Variants in TTC23L observed in about 807,000 individuals in gnomAD.
TTC23L encodes tetratricopeptide repeat domain 23 like.
In TTC23L, 42 loss-of-function variants were observed where a neutral mutation model predicts 48.1. The observed-to-expected ratio is 0.87, with a 90% confidence interval of 0.68 to 1.13. The LOEUF (loss-of-function observed/expected upper bound fraction) is 1.13. Ranked by LOEUF, TTC23L falls within the 50% of genes most tolerant of loss-of-function variation. The pLI is 0.00. For synonymous variants in TTC23L, 159 were observed against 157.2 expected, an observed-to-expected ratio of 1.01 and a Z score of -0.09; for missense variants, 391 against 421.0, an observed-to-expected ratio of 0.93 and a Z score of 0.62.
chr5:34,919,906 A>G, the TTC23L span: 1 of 971,450 alleles, frequency 1.0e-6, no homozygotes, highest in South Asian at 1.6e-5. Context: ...AGTAATTGCA[A>G]CAAAATATTT....
chr5:34,878,861 G>A (rs1414867423), intron 8 of TTC23L, among the ~76,000 whole-genome samples: 1 of 152,070 alleles, frequency 6.6e-6, no homozygotes, highest in African/African-American at 2.4e-5. Context: ...CAAAAGAAAA[G>A]GAAGGTATAT....
Position 34,869,018 on chromosome 5 carries a change from G to A in TTC23L, c.949+5G>A. 1 of 1,592,692 alleles carries A rather than the reference G, an allele frequency of 6.3e-7. No homozygotes were observed. The highest frequency in any genetic ancestry group is 8.6e-7 in the Non-Finnish European group (1 of 1,167,672). The stretch of plus-strand genomic sequence containing the variant: ...CTGGAGAGGCCCAGCACAGGGGTAG[G>A]TAAAAGAGGTAGCCTTGAAGTTATT... On this transcript the variant is annotated splice_donor_5th_base_variant and intron_variant, in intron 8 of 10. Transcript: ENST00000505624.
intron 4 of TTC23L, among the ~76,000 whole-genome samples, chr5:34,852,160 C>T (rs1759726663): frequency 6.6e-6 from 1 of 152,182 alleles, no homozygotes; most frequent in Non-Finnish European, 1.5e-5. Context: ...GCTGGGATTA[C>T]AGGCGTGAGC....
the TTC23L span, chr5:34,913,981 C>G: frequency 1.6e-4 from 74 of 456,946 alleles, 1 homozygote; most frequent in South Asian, 1.1e-3. Context: ...CAGCCTCGGT[C>G]TCCTGAGCAG....
chr5:34,839,514 G>T, intron 1 of TTC23L: 1 of 499,790 alleles, frequency 2.0e-6, no homozygotes, highest in Non-Finnish European at 2.6e-6. Context: ...AGGGCCGTGC[G>T]GAACGTCATA....
rs553334622 is a variant in TTC23L, at chr5:34,855,562, T to C, written c.379+5254T>C. Among the ~76,000 whole-genome samples the C allele has an allele frequency of 5.3e-5, 8 of 152,282 alleles. No individual in the cohort carries two copies. The South Asian group carries it at 1.7e-3, about 32-fold the overall frequency. On this transcript the variant is annotated intron_variant, in intron 4 of 10. Coordinates refer to ENST00000505624, the Ensembl canonical transcript of TTC23L. ...CCCACTTCTGGGAATCTTTCCTAAATACACACTGATAACATGGACAAGATT... is the reference window on the plus strand; with the variant it reads ...CCCACTTCTGGGAATCTTTCCTAAACACACACTGATAACATGGACAAGATT...
At chr5:34,903,391 ACCTGCACACATGCCTAGCTTCT>A (rs1054787485), downstream of TTC23L, among the ~76,000 whole-genome samples, 3 of 151,868 alleles carry the variant, frequency 2.0e-5, no homozygotes, top group Admixed American at 2.0e-4. Context: ...TTTACCCCCT[ACCTGCACACATGCCTAGCTTCT>A]CCCTTATCAA....
At chr5:34,842,069 G>C (rs1367970981) in intron 2 of TTC23L, among the ~76,000 whole-genome samples, 1 of 152,154 alleles carries the variant, frequency 6.6e-6, no homozygotes, top group Non-Finnish European at 1.5e-5. Flanking sequence ...CTCTATACCA[G>C]TGTCATCAAA....
intron 8 of TTC23L, among the ~76,000 whole-genome samples, chr5:34,877,660 G>C (rs577621705): frequency 1.3e-5 from 2 of 152,152 alleles, no homozygotes; most frequent in Non-Finnish European, 2.9e-5. Context: ...CTGACTTCAG[G>C]TGATCCACCC....
intron 2 of TTC23L, among the ~76,000 whole-genome samples, chr5:34,842,620 G>A (rs1427667429): frequency 6.6e-6 from 1 of 152,176 alleles, no homozygotes; most frequent in African/African-American, 2.4e-5. Context: ...CAGCTGCTTA[G>A]TCCAGAGTAG....
At chr5:34,916,993 T>TA in the TTC23L span, among the ~76,000 whole-genome samples, 1 of 152,232 alleles carries the variant, frequency 6.6e-6, no homozygotes, top group African/African-American at 2.4e-5. Context: ...CATACTTCGA[T>TA]ACATTCTATG....
At chr5:34,876,889 A>G (rs1460515715) in intron 8 of TTC23L, among the ~76,000 whole-genome samples, 1 of 152,118 alleles carries the variant, frequency 6.6e-6, no homozygotes, top group African/African-American at 2.4e-5. Flanking sequence ...CCTAATGTAG[A>G]CGACGGGTTG....
chr5:34,924,957 C>G, the TTC23L span: 5 of 1,613,352 alleles, frequency 3.1e-6, no homozygotes, highest in Non-Finnish European at 4.2e-6. Context: ...AAAATCCTCA[C>G]TACCAGTCAC....
At chr5:34,917,325 A>T in the TTC23L span, among the ~76,000 whole-genome samples, 1 of 152,172 alleles carries the variant, frequency 6.6e-6, no homozygotes, top group African/African-American at 2.4e-5. Flanking sequence ...GGAAGTAAGG[A>T]TGTGATGGAA....
chr5:34,884,860 G>A (rs1019342482), intron 9 of TTC23L, among the ~76,000 whole-genome samples: 1 of 152,168 alleles, frequency 6.6e-6, no homozygotes, highest in South Asian at 2.1e-4. Flanking sequence ...GTGTTCTCTG[G>A]AAAGCAGCAA....
the TTC23L span, chr5:34,918,576 CG>C: frequency 1.6e-6 from 1 of 629,892 alleles, no homozygotes; most frequent in Non-Finnish European, 2.5e-6. Flanking sequence ...AGTGTTCTCA[CG>C]AAAAAAACAC....
At position 34,840,467 on chromosome 5, in the gene TTC23L, A is replaced by C. The variant is rs545832689; in HGVS notation, c.-7-198A>C. On this transcript the variant is annotated intron_variant, in intron 1 of 10. Coordinates refer to ENST00000505624, the Ensembl canonical transcript of TTC23L. Reference sequence around the variant, plus strand: ...GGGTGGAGTTGAAATTAGGGGAAAGAAATTTAACTTAGACATTTAATTTGG... The same window carrying C: ...GGGTGGAGTTGAAATTAGGGGAAAGCAATTTAACTTAGACATTTAATTTGG... Among the ~76,000 whole-genome samples the C allele has an allele frequency of 3.3e-5, 5 of 152,346 alleles. No homozygotes were observed. The South Asian group carries it at 8.3e-4, about 25-fold the overall frequency.
the TTC23L span, chr5:34,922,062 G>A: frequency 6.3e-4 from 269 of 429,994 alleles, 2 homozygotes; most frequent in East Asian, 9.2e-3. Flanking sequence ...GAACTTTAAA[G>A]GTTCCTTCTG....
chr5:34,925,002 T>G, the TTC23L span: 4 of 1,607,290 alleles, frequency 2.5e-6, no homozygotes, highest in Non-Finnish European at 3.4e-6. Context: ...TTCAGTAGTC[T>G]TCAATGTACC....
Sources: gnomAD v4.1 joint callset for allele counts (sites outside exome capture counted in the v4.1 genomes callset) on GRCh38, gnomAD v4.1.1 for gene constraint, MANE v1.5 for transcripts, NCBI Gene and HGNC (gene_info 2026-07-23, HGNC 2026-07-21) for gene names.